The following SNX31 variants were observed in gnomAD, a reference collection of about 807,000 sequenced individuals.
SNX31 encodes sorting nexin 31, also known as sorting nexin-31.
SNX31 carries 58 observed loss-of-function variants against 65.4 expected under a neutral mutation model. That is an observed-to-expected ratio of 0.89 (90% CI 0.72 to 1.10). The LOEUF (loss-of-function observed/expected upper bound fraction) is 1.10, where lower values mean the gene tolerates loss of function less well. Among genes scored for constraint, SNX31 ranks in the 50% least tolerant of loss-of-function variants. The probability of loss-of-function intolerance (pLI) is 0.00; values close to 1 mark genes in which losing one functional copy is unlikely to be tolerated. For missense variants in SNX31, 523 were observed against 529.7 expected, an observed-to-expected ratio of 0.99 and a Z score of 0.12; for synonymous variants, 181 against 190.1, an observed-to-expected ratio of 0.95 and a Z score of 0.39.
intron 10 of SNX31, among the ~76,000 whole-genome samples, chr8:100,593,292 C>T (rs776618527): frequency 6.6e-5 from 10 of 152,008 alleles, no homozygotes; most frequent in Non-Finnish European, 1.2e-4. Flanking sequence ...GAAACAGACC[C>T]GTACAAACAT....
Position 100,660,085 on chromosome 8 carries a change from A to C in SNX31, c.-58+3057T>G, listed in dbSNP as rs755297577. ...TGATTAAGATCACTCTTTGGCTGAAAGTAAATTATGCCAGTGAAATGATTT... is the reference window on the plus strand; with the variant it reads ...TGATTAAGATCACTCTTTGGCTGAACGTAAATTATGCCAGTGAAATGATTT... On this transcript the variant is annotated intron_variant, in intron 1 of 5. Transcript: ENST00000520352. The surrounding 1 kb of genome is among the most constrained non-coding windows in gnomAD (Gnocchi z 4.1). 2.0e-5 allele frequency among the ~76,000 whole-genome samples: 3 copies of C among 152,230 alleles called. No homozygotes were observed. Among genetic ancestry groups the C allele is most frequent in the Non-Finnish European group, 4.4e-5 (3 of 68,036 alleles).
chr8:100,659,060 G>C (rs1361436060), intron 1 of SNX31, among the ~76,000 whole-genome samples: 1 of 151,954 alleles, frequency 6.6e-6, no homozygotes, highest in Non-Finnish European at 1.5e-5. Context: ...AAGGTGTGGG[G>C]GCTGGCCGGG....
chr8:100,591,810 C>G (rs1814614582), intron 10 of SNX31, among the ~76,000 whole-genome samples: 1 of 152,162 alleles, frequency 6.6e-6, no homozygotes, highest in Admixed American at 6.5e-5. Flanking sequence ...GCCTGGGTAA[C>G]AGAGTGAGAC....
At chr8:100,602,002 C>CGGAA (rs1431985390) in intron 8 of SNX31, among the ~76,000 whole-genome samples, 1 of 152,246 alleles carries the variant, frequency 6.6e-6, no homozygotes, top group East Asian at 1.9e-4. Flanking sequence ...TGTCCACCTC[C>CGGAA]TCAGCCACAC....
At chr8:100,611,014 T>C (rs936224265) in intron 7 of SNX31, among the ~76,000 whole-genome samples, 11 of 152,136 alleles carry the variant, frequency 7.2e-5, no homozygotes, top group African/African-American at 2.4e-4. Context: ...GTCCTGCTGC[T>C]CAGCGCTATT....
chr8:100,589,065 C>T, intron 10 of SNX31, 86 bp from the exon 11 acceptor site: 1 of 997,496 alleles, frequency 1.0e-6, no homozygotes, highest in East Asian at 2.6e-5. Context: ...GAAATCCCAG[C>T]TGAGGCGGGC....
chr8:100,608,984 C>T (rs1816456670), intron 7 of SNX31, among the ~76,000 whole-genome samples: 1 of 152,178 alleles, frequency 6.6e-6, no homozygotes, highest in African/African-American at 2.4e-5. Flanking sequence ...CTCTGGGAGC[C>T]TCCTTTCCAG....
chr8:100,658,651 G>C (rs528721427), intron 1 of SNX31, among the ~76,000 whole-genome samples: 1 of 152,188 alleles, frequency 6.6e-6, no homozygotes, highest in African/African-American at 2.4e-5. Flanking sequence ...CTTGCCCAAA[G>C]TTGCACAGCT....
chr8:100,641,625 CAT>C (rs368399829), intron 2 of SNX31, among the ~76,000 whole-genome samples: 6,787 of 48,146 alleles, frequency 0.14, 367 homozygotes, highest in Middle Eastern at 0.19. Flanking sequence ...CACACACGCG[CAT>C]ATATATATAT....
Position 100,588,912 on chromosome 8 carries a change from T to C in SNX31, c.1046A>G (p.Tyr349Cys), listed in dbSNP as rs1201166751. The C allele has an allele frequency of 2.5e-6, 4 of 1,614,126 alleles. No homozygotes were observed. The highest frequency in any genetic ancestry group is 2.2e-5 in the East Asian group (1 of 44,882). ...LNQNLELRFQ[Y>C]SEDSCWQWFV... ...CCACTGCCAGCAACTATCCTCACTGTATTGAAATCTGAGCTCTAAGTTCTG... is the reference window on the plus strand; with the variant it reads ...CCACTGCCAGCAACTATCCTCACTGCATTGAAATCTGAGCTCTAAGTTCTG... Residue 349 changes from tyrosine (Y) to cysteine (C), a missense_variant, in exon 11 of 14, where the codon TAC becomes TGC. Physicochemically the swap from Tyr to Cys is radical, Grantham distance 194. Transcript: ENST00000311812. The surrounding 1 kb of genome is among the most constrained non-coding windows in gnomAD (Gnocchi z 4.8).
chr8:100,585,583 AG>A (rs1813972344), intron 11 of SNX31, among the ~76,000 whole-genome samples: 1 of 152,114 alleles, frequency 6.6e-6, no homozygotes, highest in Non-Finnish European at 1.5e-5. Flanking sequence ...GAGGGAAGAG[AG>A]AAAAAAGGGC....
chr8:100,593,037 G>A (rs993830750), intron 10 of SNX31, among the ~76,000 whole-genome samples: 4 of 152,180 alleles, frequency 2.6e-5, no homozygotes, highest in African/African-American at 9.7e-5. Context: ...TGGGGGGATA[G>A]GAAAGTGACA....
chr8:100,605,378 G>T (rs1647289194), intron 8 of SNX31, among the ~76,000 whole-genome samples: 1 of 152,128 alleles, frequency 6.6e-6, no homozygotes, highest in South Asian at 2.1e-4. Context: ...CTCTCCTGCT[G>T]ACCTTGGACC....
At chr8:100,598,703 G>T (rs1372713493) in intron 9 of SNX31, among the ~76,000 whole-genome samples, 1 of 149,842 alleles carries the variant, frequency 6.7e-6, no homozygotes, top group African/African-American at 2.6e-5. Context: ...ATACACAGCT[G>T]CAGAAAGTAT....
chr8:100,612,918 G>C lies in SNX31; in HGVS notation c.523+77C>G, dbSNP rs550416474. 47 of 1,272,770 alleles carry C rather than the reference G, an allele frequency of 3.7e-5. No individual in the cohort carries two copies. Among genetic ancestry groups the C allele is most frequent in the Non-Finnish European group, 5.2e-5 (45 of 870,468 alleles). 78.8% of individuals were successfully genotyped at this position (1,272,770 alleles called of 1,614,324 possible). ...AGCCCAGTGGGTGGCCAGCCCCTCA[G>C]CTGTGACTCCTATGAGCCCCTGCTC... is the stretch of plus-strand genomic sequence containing the variant. On this transcript the variant is annotated intron_variant, in intron 6 of 13. Coordinates refer to ENST00000311812, the MANE Select transcript of SNX31 (RefSeq NM_152628.4). The surrounding 1 kb of genome is among the most constrained non-coding windows in gnomAD (Gnocchi z 4.3).
chr8:100,642,555 G>A lies in SNX31; in HGVS notation c.142-6544C>T, dbSNP rs532522992. Among the ~76,000 whole-genome samples the A allele has an allele frequency of 2.0e-5, 3 of 152,288 alleles. No individual in the cohort carries two copies. The East Asian group carries it at 5.8e-4, about 29-fold the overall frequency. ...TTTACAACCTGAGCTGACTTGTCAA[G>A]GAATCTTTCTCCTCCCTTCTCGGAT... On this transcript the variant is annotated intron_variant, in intron 2 of 13. Transcript: ENST00000311812.
At chr8:100,652,971 A>T (rs1161009823), upstream of SNX31, among the ~76,000 whole-genome samples, 1 of 152,224 alleles carries the variant, frequency 6.6e-6, no homozygotes, top group Non-Finnish European at 1.5e-5. Context: ...TTGAGCAAAC[A>T]TGGAAGAGAT....
chr8:100,635,324 C>T (rs1818691320), intron 3 of SNX31, among the ~76,000 whole-genome samples: 1 of 152,040 alleles, frequency 6.6e-6, no homozygotes, highest in Admixed American at 6.6e-5. Context: ...ACTGCAGCCT[C>T]AGCTTCCTAT....
At chr8:100,623,741 C>T (rs1230025914) in intron 4 of SNX31, among the ~76,000 whole-genome samples, 2 of 152,166 alleles carry the variant, frequency 1.3e-5, no homozygotes, top group Non-Finnish European at 2.9e-5. Flanking sequence ...GCCCCTCCTT[C>T]ACACTCCCAT....
Sources: gnomAD v4.1 joint callset for allele counts (sites outside exome capture counted in the v4.1 genomes callset) on GRCh38, gnomAD v4.1.1 for gene constraint, Gnocchi (gnomAD v3.1) non-coding constraint, MANE v1.5 for transcripts, NCBI Gene and HGNC (gene_info 2026-07-23, HGNC 2026-07-21) for gene names.